LRRC75A: variants seen among roughly 807,000 people sequenced by gnomAD.
LRRC75A encodes leucine rich repeat containing 75A.
LRRC75A carries 12 observed loss-of-function variants against 26.0 expected under a neutral mutation model. That is an observed-to-expected ratio of 0.46 (90% confidence interval 0.30 to 0.75). The LOEUF is 0.75. Ranked by LOEUF, LRRC75A falls within the 30% of genes least tolerant of loss-of-function variation. LRRC75A has a pLI of 0.08. For missense variants in LRRC75A, 410 were observed against 486.6 expected (o/e 0.84, Z 1.48); for synonymous variants, 223 against 219.3 (o/e 1.02, Z -0.15).
chr17:16,472,691 C>A (rs1358542660), intron 1 of LRRC75A, among the ~76,000 whole-genome samples: 1 of 152,170 alleles, frequency 6.6e-6, no homozygotes, highest in African/African-American at 2.4e-5. Flanking sequence ...AACAGATTGG[C>A]CTTCCAATCC....
rs140062064 is a variant in LRRC75A, at chr17:16,465,530, G to A, written c.247-3144C>T. On this transcript the variant is annotated intron_variant, in intron 1 of 3. Transcript: ENST00000470794. The stretch of plus-strand genomic sequence containing the variant: ...AGCTCCTGGTTACAAACAAATGAAC[G>A]CAGTTCTGTTCCAAAGAAAAGCTTG... 6.6e-3 allele frequency among the ~76,000 whole-genome samples: 1,006 copies of A among 152,286 alleles called. 10 individuals are homozygous for A. The highest frequency in any genetic ancestry group is 0.022 in the African/African-American group (923 of 41,544).
intron 1 of LRRC75A, among the ~76,000 whole-genome samples, chr17:16,465,757 C>T (rs964617170): frequency 1.3e-4 from 20 of 152,350 alleles, no homozygotes; most frequent in Admixed American, 1.2e-3. Flanking sequence ...GCCGTCTCCC[C>T]GCGCCATCCC....
At position 16,492,068 on chromosome 17, in the gene LRRC75A, C is replaced by A; in HGVS notation, c.-78G>T. ...GCCAACCGCCCGCCCCTCGGCCGCC[C>A]GTGCGCGCTCGCCTCCCGGGCTGCA... On this transcript the variant is annotated 5_prime_UTR_variant, in exon 1 of 4. Coordinates refer to ENST00000470794, the MANE Select transcript of LRRC75A (RefSeq NM_001113567.3). The A allele has an allele frequency of 1.9e-6, 2 of 1,054,554 alleles. No individual in the cohort carries two copies. The highest frequency in any genetic ancestry group is 4.4e-5 in the South Asian group (1 of 22,484). The allele number at this position is 1,054,554 out of a possible 1,614,324, so 65.3% of individuals were successfully genotyped here. A position where few individuals can be genotyped will look rare whatever the true frequency, so the allele number is the denominator to read the frequency against.
intron 1 of LRRC75A, among the ~76,000 whole-genome samples, chr17:16,483,766 C>G (rs141607067): frequency 6.6e-6 from 1 of 152,336 alleles, no homozygotes; most frequent in African/African-American, 2.4e-5. Context: ...CGCACCTGTA[C>G]TGGTGGTGGC....
chr17:16,446,780 C>G (rs2093589367), intron 3 of LRRC75A: 1 of 223,242 alleles, frequency 4.5e-6, no homozygotes, highest in Non-Finnish European at 9.4e-6. Flanking sequence ...AGTCTCATGG[C>G]ATTCCAGGTT....
In LRRC75A at chr17:16,443,534, G is replaced by T; in HGVS notation, c.*54C>A. ...ATAGGAGAAGCGCCCTCCCCTGCCTGCCTTGCCCATTCTACCCAACAAGGA... is the reference window on the plus strand; with the variant it reads ...ATAGGAGAAGCGCCCTCCCCTGCCTTCCTTGCCCATTCTACCCAACAAGGA... On this transcript the variant is annotated 3_prime_UTR_variant, in exon 4 of 4. Transcript: ENST00000470794. 1 of 1,430,478 alleles carries T rather than the reference G, an allele frequency of 7.0e-7. No homozygotes were observed. The highest frequency in any genetic ancestry group is 9.3e-7 in the Non-Finnish European group (1 of 1,080,152). The allele number at this position is 1,430,478 out of a possible 1,614,324, so 88.6% of individuals were successfully genotyped here.
intron 1 of LRRC75A, among the ~76,000 whole-genome samples, chr17:16,464,773 C>T (rs2093755041): frequency 6.6e-6 from 1 of 152,010 alleles, no homozygotes. Context: ...GCCGTGTGGA[C>T]ACGAGGGACC....
At chr17:16,460,443 C>T (rs571437875) in intron 2 of LRRC75A, among the ~76,000 whole-genome samples, 2 of 152,314 alleles carry the variant, frequency 1.3e-5, no homozygotes, top group East Asian at 3.9e-4. Context: ...TTACCCACTC[C>T]CTGGCCTGCC....
Position 16,457,298 on chromosome 17 carries a change from A to C in LRRC75A, c.375+4960T>G, listed in dbSNP as rs191483661. On this transcript the variant is annotated intron_variant, in intron 2 of 3. Transcript: ENST00000470794. ...ACACTGGACACCATTCCAGATGCAG[A>C]GACTGTGTGCCGGCTTTTCTGTTTC... Among the ~76,000 whole-genome samples, 136 of 152,248 alleles carry C rather than the reference A, an allele frequency of 8.9e-4. 1 individual carries two copies. The highest frequency in any genetic ancestry group is 8.0e-3 in the Admixed American group (123 of 15,282).
At chr17:16,480,014 C>T (rs939708916) in intron 1 of LRRC75A, among the ~76,000 whole-genome samples, 6 of 152,118 alleles carry the variant, frequency 3.9e-5, no homozygotes, top group Admixed American at 3.9e-4. Flanking sequence ...GCATTAGGCT[C>T]TCATAGGAGC....
intron 1 of LRRC75A, among the ~76,000 whole-genome samples, chr17:16,486,895 AG>A (rs780601518): frequency 6.6e-6 from 1 of 152,240 alleles, no homozygotes; most frequent in Non-Finnish European, 1.5e-5. Context: ...GTGCTTTCTG[AG>A]GACACACTGA....
At chr17:16,459,448 A>G (rs2093710756) in intron 2 of LRRC75A, among the ~76,000 whole-genome samples, 1 of 152,180 alleles carries the variant, frequency 6.6e-6, no homozygotes, top group Non-Finnish European at 1.5e-5. Context: ...GACGTCCCTA[A>G]GATAGGAGAG....
At position 16,457,018 on chromosome 17, in the gene LRRC75A, C is replaced by T. The variant is rs541965127; in HGVS notation, c.375+5240G>A. Among the ~76,000 whole-genome samples the T allele has an allele frequency of 3.3e-5, 5 of 152,278 alleles. No individual in the cohort carries two copies. The South Asian group carries it at 1.0e-3, about 32-fold the overall frequency. ...CCTGGGGCAGAACGTGTTTGAGGGG[C>T]TTCTCATTAATCTGTCAGGAAAGAT... On this transcript the variant is annotated intron_variant, in intron 2 of 3. Transcript: ENST00000470794.
chr17:16,449,694 G>T (rs1161751182), intron 2 of LRRC75A, among the ~76,000 whole-genome samples: 1 of 152,162 alleles, frequency 6.6e-6, no homozygotes, highest in Non-Finnish European at 1.5e-5. Context: ...TCGGCTCACT[G>T]CAACCTCCGC....
At chr17:16,483,324 T>C (rs1294519671) in intron 1 of LRRC75A, among the ~76,000 whole-genome samples, 5 of 152,368 alleles carry the variant, frequency 3.3e-5, no homozygotes, top group African/African-American at 9.6e-5. Context: ...ATGTGGCCTT[T>C]CACCCTCCGT....
intron 3 of LRRC75A, among the ~76,000 whole-genome samples, chr17:16,445,135 C>T: frequency 1.3e-5 from 2 of 148,450 alleles, no homozygotes; most frequent in East Asian, 4.0e-4. Flanking sequence ...AGGCATGAGC[C>T]AACACGCCTG....
intron 2 of LRRC75A, among the ~76,000 whole-genome samples, chr17:16,458,482 T>TC (rs1187724183): frequency 6.6e-6 from 1 of 151,910 alleles, no homozygotes; most frequent in Non-Finnish European, 1.5e-5. Flanking sequence ...TTTTTTTTTT[T>TC]GAGACGGAGT....
At chr17:16,458,015 A>C (rs1042853568) in intron 2 of LRRC75A, among the ~76,000 whole-genome samples, 5 of 151,516 alleles carry the variant, frequency 3.3e-5, no homozygotes, top group Admixed American at 2.6e-4. Flanking sequence ...ACAACAACAA[A>C]AAAGCAAGGC....
At position 16,443,661 on chromosome 17, in the gene LRRC75A, GGGTCCTCCTGGCCTACTGTCCCTTCCC is replaced by G; in HGVS notation, c.935_961del (p.Arg312_Asp320del). 6.3e-7 allele frequency: 1 copy of G among 1,574,910 alleles called. No homozygotes were observed. Among genetic ancestry groups the G allele is most frequent in the Non-Finnish European group, 8.6e-7 (1 of 1,160,084 alleles). ...GGCAGGTGCCACAGGGCCCCCTCCA[GGGTCCTCCTGGCCTACTGTCCCTTCCC>G]GGACCTCCTCCCCACTGCCTGGGCC... On this transcript the variant is annotated inframe_deletion, in exon 4 of 4. Coordinates refer to ENST00000470794, the MANE Select transcript of LRRC75A (RefSeq NM_001113567.3).
Sources: gnomAD v4.1 joint callset for allele counts (sites outside exome capture counted in the v4.1 genomes callset) on GRCh38, gnomAD v4.1.1 for gene constraint, MANE v1.5 for transcripts, NCBI Gene and HGNC (gene_info 2026-07-23, HGNC 2026-07-21) for gene names.